Variants in NLGN1 observed in about 807,000 individuals in gnomAD.
NLGN1 encodes the protein neuroligin 1, also known as neuroligin-1.
Under a neutral mutation model 65.5 loss-of-function variants are expected in NLGN1, and 12 were observed. That is an observed-to-expected ratio of 0.18 (90% CI 0.12 to 0.30). NLGN1 has a LOEUF of 0.30. NLGN1 is among the 10% of genes least tolerant of loss of function. The probability of loss-of-function intolerance (pLI) is 1.00; values close to 1 mark genes in which losing one functional copy is unlikely to be tolerated. For synonymous variants in NLGN1, 350 were observed against 359.5 expected (o/e 0.97, Z 0.30); for missense variants, 750 against 1,007.1 (o/e 0.74, Z 3.46).
At chr3:174,005,299 A>C (rs1724141713) in intron 4 of NLGN1, among the ~76,000 whole-genome samples, 1 of 152,120 alleles carries the variant, frequency 6.6e-6, no homozygotes, top group African/African-American at 2.4e-5. Flanking sequence ...ATTCCTTATA[A>C]AGTTGCTGAT....
chr3:173,716,749 T>C (rs1201077636), intron 3 of NLGN1, among the ~76,000 whole-genome samples: 1 of 124,904 alleles, frequency 8.0e-6, no homozygotes, highest in Non-Finnish European at 1.9e-5. Context: ...CTGCATAATG[T>C]AGCTTAGATT....
intron 4 of NLGN1, among the ~76,000 whole-genome samples, chr3:174,266,843 A>G (rs9864604): frequency 0.33 from 50,166 of 151,992 alleles, 8,822 homozygotes; most frequent in East Asian, 0.54. Flanking sequence ...ATTTTTAAAA[A>G]CTTTTTTCTT....
chr3:173,469,985 A>ATT (rs1725052087), intron 2 of NLGN1, among the ~76,000 whole-genome samples: 1 of 147,846 alleles, frequency 6.8e-6, no homozygotes, highest in Non-Finnish European at 1.5e-5. Context: ...ATTATATATG[A>ATT]TTATATATAT....
chr3:173,513,884 C>A (rs1261314277), intron 2 of NLGN1, among the ~76,000 whole-genome samples: 1 of 151,900 alleles, frequency 6.6e-6, no homozygotes, highest in Non-Finnish European at 1.5e-5. Context: ...AAAAATTAGC[C>A]GGGTGTGGTG....
At chr3:174,079,840 A>G (rs1370728843) in intron 4 of NLGN1, among the ~76,000 whole-genome samples, 2 of 152,164 alleles carry the variant, frequency 1.3e-5, no homozygotes, top group African/African-American at 2.4e-5. Context: ...AATGATGAAA[A>G]CACATGGACT....
chr3:174,023,171 A>G (rs1446373648), intron 4 of NLGN1, among the ~76,000 whole-genome samples: 1 of 152,124 alleles, frequency 6.6e-6, no homozygotes, highest in Non-Finnish European at 1.5e-5. Flanking sequence ...TGCAGCTCAC[A>G]TTGATTGGGT....
rs374048204 is a variant in NLGN1, at chr3:173,726,201, C to T, written c.494-81479C>T. ...GGGGGTCATCTTAGGGCATGTTCTT[C>T]TGCTTGTCTCCTTCTTATCCAAGGT... On this transcript the variant is annotated intron_variant, in intron 3 of 6. Coordinates refer to ENST00000457714, the Ensembl canonical transcript of NLGN1. 5.9e-5 allele frequency among the ~76,000 whole-genome samples: 9 copies of T among 151,648 alleles called. No individual in the cohort carries two copies. In the East Asian group the frequency reaches 9.8e-4, roughly 17 times the overall value.
Position 174,095,140 on chromosome 3 carries a change from G to A in NLGN1, c.647-180175G>A, listed in dbSNP as rs1745231266. Among the ~76,000 whole-genome samples, 9 of 151,700 alleles carry A rather than the reference G, an allele frequency of 5.9e-5. No homozygotes were observed. In the South Asian group the frequency reaches 1.5e-3, roughly 25 times the overall value. On this transcript the variant is annotated intron_variant, in intron 4 of 6. Coordinates refer to ENST00000457714, the Ensembl canonical transcript of NLGN1. ...TGTTTCTTTATAGTCATCATGACTG[G>A]CAAAATAATCTTTAAGGTTGCTTGG...
At chr3:174,148,359 A>G (rs1723728334) in intron 4 of NLGN1, among the ~76,000 whole-genome samples, 1 of 152,208 alleles carries the variant, frequency 6.6e-6, no homozygotes, top group Non-Finnish European at 1.5e-5. Flanking sequence ...ATAGGGTGTT[A>G]AGTAATTACA....
At chr3:173,651,166 T>C (rs1759112536) in intron 3 of NLGN1, among the ~76,000 whole-genome samples, 2 of 151,992 alleles carry the variant, frequency 1.3e-5, no homozygotes, top group Admixed American at 1.3e-4. Flanking sequence ...CTCCCATTTC[T>C]AGGTGGGAAT....
At chr3:174,093,523 A>G (rs536677841) in intron 4 of NLGN1, among the ~76,000 whole-genome samples, 2 of 152,338 alleles carry the variant, frequency 1.3e-5, no homozygotes, top group East Asian at 3.9e-4. Flanking sequence ...GTCTCTCTGA[A>G]GCAAACTGAT....
intron 4 of NLGN1, among the ~76,000 whole-genome samples, chr3:173,908,499 A>T (rs1738903198): frequency 1.3e-5 from 2 of 152,222 alleles, no homozygotes; most frequent in South Asian, 4.1e-4. Flanking sequence ...GTTGTTTATT[A>T]TATTTAAAAT....
intron 4 of NLGN1, among the ~76,000 whole-genome samples, chr3:174,187,581 A>G (rs1364388613): frequency 6.6e-6 from 1 of 152,108 alleles, no homozygotes; most frequent in African/African-American, 2.4e-5. Context: ...GGATTTAGAC[A>G]TAGAAAATGC....
intron 2 of NLGN1, among the ~76,000 whole-genome samples, chr3:173,601,291 C>T (rs1407656214): frequency 6.6e-6 from 1 of 151,956 alleles, no homozygotes; most frequent in Admixed American, 6.6e-5. Flanking sequence ...GTCAAACTTG[C>T]TGTAGTTTGC....
chr3:173,736,331 C>G (rs1049891153), intron 3 of NLGN1, among the ~76,000 whole-genome samples: 3 of 152,192 alleles, frequency 2.0e-5, no homozygotes, highest in African/African-American at 7.2e-5. Flanking sequence ...CCGTCCCCCA[C>G]TCTCCTTCCA....
chr3:173,684,165 A>G (rs1028014671), intron 3 of NLGN1, among the ~76,000 whole-genome samples: 3 of 152,188 alleles, frequency 2.0e-5, no homozygotes, highest in Non-Finnish European at 2.9e-5. Context: ...TGAAGTGATT[A>G]TTAACTTTTC....
At position 173,524,070 on chromosome 3, in the gene NLGN1, G is replaced by A. The variant is rs191675520; in HGVS notation, c.-320-80209G>A. 4.7e-5 allele frequency among the ~76,000 whole-genome samples: 7 copies of A among 149,980 alleles called. 1 individual carries two copies. The East Asian group carries it at 7.8e-4, about 17-fold the overall frequency. ...CGAGTAGCTGGGACTACAGGCACCC[G>A]CCACCACGCTCAGCTAATTTTTTTT... On this transcript the variant is annotated intron_variant, in intron 2 of 6. Transcript: ENST00000457714.
intron 3 of NLGN1, among the ~76,000 whole-genome samples, chr3:173,645,596 A>G (rs1369102440): frequency 6.6e-6 from 1 of 152,214 alleles, no homozygotes; most frequent in Non-Finnish European, 1.5e-5. Flanking sequence ...TTGTGGATCC[A>G]CAATGGTAAC....
intron 3 of NLGN1, among the ~76,000 whole-genome samples, chr3:173,683,937 A>G (rs1028396317): frequency 5.3e-5 from 8 of 152,174 alleles, no homozygotes; most frequent in African/African-American, 9.6e-5. Context: ...GCACAGATCC[A>G]GCTGATTCCA....
Sources: gnomAD v4.1 joint callset for allele counts (sites outside exome capture counted in the v4.1 genomes callset) on GRCh38, gnomAD v4.1.1 for gene constraint, MANE v1.5 for transcripts, NCBI Gene and HGNC (gene_info 2026-07-23, HGNC 2026-07-21) for gene names.